PCDH11Y: variants seen among roughly 807,000 people sequenced by gnomAD.
The protein encoded by PCDH11Y is protocadherin 11 Y-linked, also known as protocadherin-11 Y-linked.
For synonymous variants in PCDH11Y, 9 were observed against 83.6 expected (o/e 0.11, Z 4.87); for missense variants, 12 against 224.8 (o/e 0.05, Z 6.05).
At chrY:5,368,059 A>G in intron 2 of PCDH11Y, among the ~76,000 whole-genome samples, 3 of 32,421 alleles carry the variant, frequency 9.3e-5, no homozygotes, top group Non-Finnish European at 2.3e-4. Context: ...TTTGGCTACT[A>G]GGGAGGCTGA....
chrY:5,033,083 C>T (rs2052593750), intron 3 of PCDH11Y, among the ~76,000 whole-genome samples: 35 of 30,844 alleles, frequency 1.1e-3, no homozygotes, highest in African/African-American at 4.1e-3. Flanking sequence ...GTTGTAAAGG[C>T]CCCTCTGGAT....
intron 2 of PCDH11Y, among the ~76,000 whole-genome samples, chrY:5,345,569 A>G: frequency 3.0e-5 from 1 of 33,677 alleles, no homozygotes. Flanking sequence ...ATTTTTATGA[A>G]AATTAATTAT....
chrY:5,522,164 C>T (rs2053382190), intron 3 of PCDH11Y, among the ~76,000 whole-genome samples: 3 of 32,118 alleles, frequency 9.3e-5, no homozygotes, highest in Non-Finnish European at 1.5e-4. Context: ...TGAGCCACTG[C>T]GCCCAGCCAA....
At chrY:5,202,530 C>G in intron 2 of PCDH11Y, among the ~76,000 whole-genome samples, 1 of 33,360 alleles carries the variant, frequency 3.0e-5, no homozygotes. Flanking sequence ...ATTCAGCAAT[C>G]TAAGAAAACA....
chrY:5,149,635 A>G (rs2124643401), intron 2 of PCDH11Y, among the ~76,000 whole-genome samples: 1 of 30,886 alleles, frequency 3.2e-5, no homozygotes, highest in African/African-American at 1.3e-4. Flanking sequence ...GAGATTTATT[A>G]TAAGAAATTA....
chrY:5,650,306 T>C, intron 4 of PCDH11Y, among the ~76,000 whole-genome samples: 5 of 33,499 alleles, frequency 1.5e-4, no homozygotes, highest in Admixed American at 2.7e-4. Flanking sequence ...GAATGAATCA[T>C]TAATTTAAAA....
chrY:5,266,626 C>T (rs2053026683), intron 2 of PCDH11Y, among the ~76,000 whole-genome samples: 1 of 32,347 alleles, frequency 3.1e-5, no homozygotes, highest in Non-Finnish European at 7.5e-5. Context: ...AGTATAAAAT[C>T]CTAAAACAAC....
intron 2 of PCDH11Y, among the ~76,000 whole-genome samples, chrY:5,243,485 C>G: frequency 3.6e-5 from 1 of 27,778 alleles, no homozygotes; most frequent in Non-Finnish European, 7.4e-5. Context: ...TACAATCTTT[C>G]CAGGAGCTAC....
At chrY:5,633,166 G>C in intron 4 of PCDH11Y, among the ~76,000 whole-genome samples, 1 of 32,703 alleles carries the variant, frequency 3.1e-5, no homozygotes, top group South Asian at 6.9e-4. Context: ...GCTTCACTTA[G>C]CATAGTGTTT....
chrY:5,087,738 C>T, intron 1 of PCDH11Y, among the ~76,000 whole-genome samples: 1 of 32,646 alleles, frequency 3.1e-5, no homozygotes, highest in Non-Finnish European at 7.5e-5. Context: ...GTCTAGGCTG[C>T]CTTTTAAGTT....
At chrY:5,012,668 G>GT (rs751005442) in intron 1 of PCDH11Y, among the ~76,000 whole-genome samples, 146 of 14,885 alleles carry the variant, frequency 9.8e-3, no homozygotes, top group East Asian at 0.014. Context: ...TCATTTTAGG[G>GT]TTTTTTTTTT....
At chrY:5,731,286 TA>T (rs2053604433) in intron 4 of PCDH11Y, among the ~76,000 whole-genome samples, 1 of 33,238 alleles carries the variant, frequency 3.0e-5, no homozygotes, top group Non-Finnish European at 7.5e-5. Flanking sequence ...TGTTTAAAAT[TA>T]CTGATACAAT....
At chrY:5,539,507 T>A in intron 3 of PCDH11Y, among the ~76,000 whole-genome samples, 3 of 33,242 alleles carry the variant, frequency 9.0e-5, no homozygotes, top group Non-Finnish European at 2.2e-4. Context: ...TTCTTCAATG[T>A]CATGAATATT....
At chrY:5,093,095 A>G in intron 1 of PCDH11Y, among the ~76,000 whole-genome samples, 1 of 33,120 alleles carries the variant, frequency 3.0e-5, no homozygotes, top group Non-Finnish European at 7.5e-5. Context: ...CTATTTGGCA[A>G]TGAATATCCT....
intron 2 of PCDH11Y, among the ~76,000 whole-genome samples, chrY:5,274,750 A>C: frequency 2.9e-5 from 1 of 33,939 alleles, no homozygotes. Context: ...ACCCACATTG[A>C]TTCATTTTCT....
At chrY:5,194,432 C>CAA (rs1444727257) in intron 2 of PCDH11Y, among the ~76,000 whole-genome samples, 1 of 4,631 alleles carries the variant, frequency 2.2e-4, no homozygotes. Context: ...ACCCTTGTCT[C>CAA]AAAAAAAAAA....
At chrY:5,349,318 T>C in intron 2 of PCDH11Y, among the ~76,000 whole-genome samples, 2 of 33,143 alleles carry the variant, frequency 6.0e-5, no homozygotes, top group African/African-American at 2.3e-4. Flanking sequence ...TCCATATTTT[T>C]TCATGTTGTA....
chrY:5,573,613 G>T, intron 3 of PCDH11Y: 1 of 274,766 alleles, frequency 3.6e-6, no homozygotes, highest in Non-Finnish European at 5.8e-6. Context: ...GACAATGCCC[G>T]TCTTGCTGCT....
At chrY:5,354,254 C>T in intron 2 of PCDH11Y, among the ~76,000 whole-genome samples, 1 of 32,639 alleles carries the variant, frequency 3.1e-5, no homozygotes, top group Non-Finnish European at 7.5e-5. Context: ...AAAAGGTATG[C>T]GCTAAGGCTA....
Sources: allele counts gnomAD v4.1 joint callset (sites outside exome capture counted in the v4.1 genomes callset), GRCh38; gene constraint gnomAD v4.1.1; transcripts MANE v1.5; gene names NCBI Gene and HGNC (gene_info 2026-07-23, HGNC 2026-07-21).